Variants in HS3ST4 observed in about 807,000 individuals in gnomAD.
The protein encoded by HS3ST4 is heparan sulfate glucosamine 3-O-sulfotransferase 4.
A neutral mutation model predicts 29.2 loss-of-function variants in HS3ST4; 17 were observed. That is an observed-to-expected ratio of 0.58 (90% CI 0.40 to 0.87). The LOEUF (loss-of-function observed/expected upper bound fraction) is 0.87. Among genes scored for constraint, HS3ST4 ranks in the 40% least tolerant of loss-of-function variants. The pLI, the probability that HS3ST4 is intolerant of heterozygous loss-of-function variation, is 0.00. For missense variants in HS3ST4, 627 were observed against 634.5 expected (o/e 0.99, Z 0.13); for synonymous variants, 314 against 285.7 (o/e 1.10, Z -1.00).
At chr16:25,726,324 A>C (rs1160920366) in intron 1 of HS3ST4, among the ~76,000 whole-genome samples, 2 of 152,012 alleles carry the variant, frequency 1.3e-5, no homozygotes, top group Non-Finnish European at 2.9e-5. Flanking sequence ...ACACACACGT[A>C]CACACACATT....
chr16:25,953,011 A>G (rs1968696497), intron 1 of HS3ST4, among the ~76,000 whole-genome samples: 1 of 152,158 alleles, frequency 6.6e-6, no homozygotes, highest in Admixed American at 6.5e-5. Flanking sequence ...TGAGTCATCT[A>G]GACCTTTTGA....
intron 1 of HS3ST4, chr16:26,062,829 C>T: frequency 3.4e-6 from 1 of 295,086 alleles, no homozygotes; most frequent in Admixed American, 3.6e-5. Context: ...TTGGTGCCTG[C>T]ATATTCTGGG....
At chr16:25,867,936 G>T (rs1967712661) in intron 1 of HS3ST4, among the ~76,000 whole-genome samples, 1 of 152,154 alleles carries the variant, frequency 6.6e-6, no homozygotes, top group African/African-American at 2.4e-5. Flanking sequence ...TAGGTAGGAA[G>T]ATAGACAGAT....
intron 1 of HS3ST4, among the ~76,000 whole-genome samples, chr16:25,990,943 C>T (rs894737369): frequency 6.6e-6 from 1 of 152,190 alleles, no homozygotes; most frequent in African/African-American, 2.4e-5. Flanking sequence ...TGTCTTCCTT[C>T]TTATAGCTTT....
chr16:25,750,918 A>G (rs568428873), intron 1 of HS3ST4, among the ~76,000 whole-genome samples: 3 of 152,238 alleles, frequency 2.0e-5, no homozygotes, highest in African/African-American at 7.2e-5. Flanking sequence ...ATGAGTCTCT[A>G]TCATTATTTC....
intron 1 of HS3ST4, among the ~76,000 whole-genome samples, chr16:25,891,242 G>GT (rs1158180543): frequency 6.6e-6 from 1 of 152,182 alleles, no homozygotes; most frequent in Non-Finnish European, 1.5e-5. Context: ...TATATATAAG[G>GT]TTGCGGATAG....
intron 1 of HS3ST4, among the ~76,000 whole-genome samples, chr16:26,037,879 G>A (rs1236559983): frequency 6.6e-6 from 1 of 152,066 alleles, no homozygotes; most frequent in Non-Finnish European, 1.5e-5. Context: ...GTGTTCAATT[G>A]CCCCAGTGCT....
chr16:25,916,285 T>G (rs1165429948), intron 1 of HS3ST4, among the ~76,000 whole-genome samples: 1 of 152,214 alleles, frequency 6.6e-6, no homozygotes, highest in East Asian at 1.9e-4. Context: ...TCAAGTAACA[T>G]GCAATTGGAG....
intron 1 of HS3ST4, chr16:26,032,852 C>A: frequency 6.4e-7 from 1 of 1,561,104 alleles, no homozygotes; most frequent in Non-Finnish European, 8.7e-7. Flanking sequence ...GTGCTGGACG[C>A]GGGATGCAGT....
intron 1 of HS3ST4, among the ~76,000 whole-genome samples, chr16:26,091,863 A>G (rs1242646173): frequency 6.6e-6 from 1 of 152,190 alleles, no homozygotes; most frequent in Non-Finnish European, 1.5e-5. Context: ...TTCAAGAAAT[A>G]TTTATTGAGC....
At chr16:25,697,769 T>G (rs1403430112) in intron 1 of HS3ST4, among the ~76,000 whole-genome samples, 2 of 152,156 alleles carry the variant, frequency 1.3e-5, no homozygotes, top group East Asian at 3.9e-4. Context: ...TGATCTCTGC[T>G]TCAAGCGATT....
intron 1 of HS3ST4, among the ~76,000 whole-genome samples, chr16:25,823,065 G>A (rs895620974): frequency 1.3e-5 from 2 of 152,200 alleles, no homozygotes; most frequent in Admixed American, 6.5e-5. Flanking sequence ...TAACAGCATC[G>A]TGTTTTCTTA....
At chr16:26,046,021 A>G (rs182995831) in intron 1 of HS3ST4, among the ~76,000 whole-genome samples, 4 of 151,690 alleles carry the variant, frequency 2.6e-5, no homozygotes, top group Admixed American at 2.6e-4. Flanking sequence ...TCAAAAAATT[A>G]CTCTTGTTGC....
chr16:26,013,651 C>T (rs1020168549), intron 1 of HS3ST4, among the ~76,000 whole-genome samples: 14 of 152,266 alleles, frequency 9.2e-5, no homozygotes, highest in African/African-American at 3.1e-4. Context: ...AAAGTGTTCT[C>T]ACCTCAGGGC....
At chr16:25,871,297 G>A (rs1054518626) in intron 1 of HS3ST4, among the ~76,000 whole-genome samples, 3 of 152,204 alleles carry the variant, frequency 2.0e-5, no homozygotes, top group Admixed American at 6.5e-5. Flanking sequence ...TGCCAGGCCA[G>A]TGGAGAGTCC....
chr16:25,950,668 A>G (rs971674933), intron 1 of HS3ST4, among the ~76,000 whole-genome samples: 23 of 152,132 alleles, frequency 1.5e-4, no homozygotes, highest in African/African-American at 5.1e-4. Flanking sequence ...ATAAAGATCT[A>G]GGTTTGACAC....
chr16:25,743,726 G>A lies in HS3ST4; in HGVS notation c.734+50575G>A, dbSNP rs146744852. On this transcript the variant is annotated intron_variant, in intron 1 of 1. Transcript: ENST00000331351. ...TCACCATGTTAGCCAGGCTGGTCTC[G>A]TACTCTTGGCCTCAAGTGACCTGCC... Among the ~76,000 whole-genome samples the A allele has an allele frequency of 1.1e-3, 171 of 152,222 alleles. 1 individual carries two copies. The highest frequency in any genetic ancestry group is 3.9e-3 in the African/African-American group (161 of 41,548).
intron 1 of HS3ST4, among the ~76,000 whole-genome samples, chr16:25,844,671 A>T (rs1180811904): frequency 6.6e-6 from 1 of 152,204 alleles, no homozygotes; most frequent in East Asian, 1.9e-4. Flanking sequence ...AGAACCAGAA[A>T]TACCATTTGA....
At chr16:25,765,882 T>C (rs566978021) in intron 1 of HS3ST4, among the ~76,000 whole-genome samples, 2 of 152,246 alleles carry the variant, frequency 1.3e-5, no homozygotes, top group Admixed American at 1.3e-4. Context: ...TTGGATGTGG[T>C]TGGACCGTGG....
Sources: allele counts gnomAD v4.1 joint callset (sites outside exome capture counted in the v4.1 genomes callset), GRCh38; gene constraint gnomAD v4.1.1; transcripts MANE v1.5; gene names NCBI Gene and HGNC (gene_info 2026-07-23, HGNC 2026-07-21).